Variants in HOMEZ observed in about 807,000 individuals in gnomAD.
The protein encoded by HOMEZ is homeobox and leucine zipper protein Homez.
HOMEZ carries 20 observed loss-of-function variants against 50.1 expected under a neutral mutation model. The observed-to-expected ratio is 0.40, with a 90% CI of 0.28 to 0.58. The LOEUF (loss-of-function observed/expected upper bound fraction) is 0.58, where lower values mean the gene tolerates loss of function less well. Among genes scored for constraint, HOMEZ ranks in the 20% least tolerant of loss-of-function variants. The pLI is 0.46. For missense variants in HOMEZ, 579 were observed against 680.5 expected (o/e 0.85, Z 1.66); for synonymous variants, 239 against 254.7 (o/e 0.94, Z 0.59).
chr14:23,276,514 G>A lies in HOMEZ; in HGVS notation c.714C>T (p.Asn238=), dbSNP rs11844797. 9.3e-3 allele frequency: 15,049 copies of A among 1,613,940 alleles called. 1,186 individuals are homozygous for A. The African/African-American group carries it at 0.17, about 18-fold the overall frequency. ...AAGCAGTACCTATGCCATGTGACTG[G>A]TTGGGACCCCTGCCTGCCTGCTCCT... ...LSKEQAGRGP[N]QSHGIGTASW... is the part of the protein sequence containing the mutation. Residue 238 remains asparagine (N), a synonymous_variant, in exon 2 of 2, where the codon AAC becomes AAT. Transcript: ENST00000357460. This position sits in a 1 kb window ranked among gnomAD's most constrained non-coding sequence, Gnocchi z 4.1.
At chr14:23,280,725 A>ATTTT (rs1268590273) in intron 1 of HOMEZ, among the ~76,000 whole-genome samples, 3 of 68,750 alleles carry the variant, frequency 4.4e-5, no homozygotes, top group African/African-American at 1.7e-4. Flanking sequence ...ATTTTATTTT[A>ATTTT]TTTTATTTTA....
Position 23,275,428 on chromosome 14 carries a change from T to G in HOMEZ, c.*147A>C. On this transcript the variant is annotated 3_prime_UTR_variant, in exon 2 of 2. Coordinates refer to ENST00000357460, the MANE Select transcript of HOMEZ (RefSeq NM_020834.3). ...GTCATTCTCCCTGGTCCACCCTCAC[T>G]ATATCCCCCTGCCACCCACCCTGAA... 9.9e-7 allele frequency: 1 copy of G among 1,011,018 alleles called. No individual in the cohort carries two copies. The highest frequency in any genetic ancestry group is 1.7e-5 in the South Asian group (1 of 57,312). 62.6% of individuals were successfully genotyped at this position (1,011,018 alleles called of 1,614,324 possible).
At chr14:23,280,712 T>TTA (rs1225777046) in intron 1 of HOMEZ, among the ~76,000 whole-genome samples, 36 of 58,230 alleles carry the variant, frequency 6.2e-4, no homozygotes, top group African/African-American at 2.4e-3. Context: ...TATTTTTATT[T>TTA]TTATTTTATT....
chr14:23,272,977 T>C lies in HOMEZ; in HGVS notation c.*2598A>G, dbSNP rs1886224998. On this transcript the variant is annotated 3_prime_UTR_variant, in exon 2 of 2. Coordinates refer to ENST00000357460, the MANE Select transcript of HOMEZ (RefSeq NM_020834.3). ...CATTAGGGGTGATGGCCCTGGAAAA[T>C]GTATCCCTGCATTGTTTCCTAGTTT... The C allele has an allele frequency of 4.1e-6, 3 of 726,696 alleles. No individual in the cohort carries two copies. The highest frequency in any genetic ancestry group is 1.9e-5 in the South Asian group (1 of 52,452). 45.0% of individuals were successfully genotyped at this position (726,696 alleles called of 1,614,324 possible).
chr14:23,284,049 TCTTAA>T (rs1411845043), intron 1 of HOMEZ, among the ~76,000 whole-genome samples: 4 of 152,202 alleles, frequency 2.6e-5, no homozygotes, highest in Non-Finnish European at 4.4e-5. Context: ...CTTATATGCT[TCTTAA>T]CTTTTTAGTT....
intron 1 of HOMEZ, 147 bp from the exon 2 acceptor site, chr14:23,277,334 C>A (rs966389862): frequency 7.6e-6 from 6 of 788,060 alleles, no homozygotes; most frequent in South Asian, 4.4e-5. Context: ...TCAACAATTT[C>A]TTATTTAATT....
chr14:23,281,809 A>AAT (rs1350641641), intron 1 of HOMEZ, among the ~76,000 whole-genome samples: 2 of 143,808 alleles, frequency 1.4e-5, no homozygotes, highest in African/African-American at 5.3e-5. Context: ...AAATAATAAT[A>AAT]ATAATAATAA....
intron 1 of HOMEZ, among the ~76,000 whole-genome samples, chr14:23,280,351 G>C (rs1432142323): frequency 1.3e-5 from 2 of 152,058 alleles, no homozygotes; most frequent in Admixed American, 6.6e-5. Context: ...AGCCCAGAAA[G>C]CTCCCTCAGT....
At chr14:23,280,755 T>TTTATGTTATGTTATGTTATG (rs1886525139) in intron 1 of HOMEZ, among the ~76,000 whole-genome samples, 2 of 85,154 alleles carry the variant, frequency 2.3e-5, no homozygotes, top group Non-Finnish European at 5.0e-5. Context: ...TTTATTTTAT[T>TTTATGTTATGTTATGTTATG]TTATTTTATT....
At position 23,276,132 on chromosome 14, in the gene HOMEZ, C is replaced by G. The variant is rs1273228157; in HGVS notation, c.1096G>C (p.Glu366Gln). ...AAGGATTTAAGGATAGCCAGCTGCT[C>G]TTTGGTTTTGCGCTTGGTCTTTCGC... ...RQRKTKRKTK[E>Q]QLAILKSFFL... The change falls in exon 2 of 2, where the codon GAG (glutamate) becomes CAG (glutamine). Residue 366 changes from glutamate to glutamine, a missense_variant. Coordinates refer to ENST00000357460, the MANE Select transcript of HOMEZ (RefSeq NM_020834.3). This position sits in a 1 kb window ranked among gnomAD's most constrained non-coding sequence, Gnocchi z 4.1. The G allele has an allele frequency of 1.2e-6, 2 of 1,613,986 alleles. No homozygotes were observed. The highest frequency in any genetic ancestry group is 3.3e-5 in the Admixed American group (2 of 60,014).
intron 1 of HOMEZ, chr14:23,285,624 A>C: frequency 3.0e-5 from 10 of 334,084 alleles, no homozygotes; most frequent in East Asian, 4.6e-5. Context: ...GGGTCAGGGA[A>C]CAAAAAGTTA....
Position 23,276,281 on chromosome 14 carries a change from ACT to A in HOMEZ, c.945_946del (p.Ser317ThrfsTer3). 1 of 1,613,922 alleles carries A rather than the reference ACT, an allele frequency of 6.2e-7. No homozygotes were observed. The highest frequency in any genetic ancestry group is 8.5e-7 in the Non-Finnish European group (1 of 1,179,864). ...GGGTAATGCCTGTTCACTGGGTGACACTGACTGTGGGACACAGCCTAGTGGCT... is the reference window on the plus strand; with the variant it reads ...GGGTAATGCCTGTTCACTGGGTGACAGACTGTGGGACACAGCCTAGTGGCT... On this transcript the variant is annotated frameshift_variant, in exon 2 of 2. Coordinates refer to ENST00000357460, the MANE Select transcript of HOMEZ (RefSeq NM_020834.3). LOFTEE classifies it high-confidence loss of function. The surrounding 1 kb of genome is among the most constrained non-coding windows in gnomAD (Gnocchi z 4.1).
At chr14:23,280,682 A>T (rs531349819) in intron 1 of HOMEZ, among the ~76,000 whole-genome samples, 24 of 132,186 alleles carry the variant, frequency 1.8e-4, no homozygotes, top group South Asian at 7.4e-4. Context: ...CACATCTGTT[A>T]TATTTTATTT....
At chr14:23,281,646 TAA>T (rs1886558757) in intron 1 of HOMEZ, among the ~76,000 whole-genome samples, 1 of 152,048 alleles carries the variant, frequency 6.6e-6, no homozygotes, top group African/African-American at 2.4e-5. Flanking sequence ...TTAACTTCTC[TAA>T]GTCTTAGTTT....
At chr14:23,280,442 G>A (rs548663777) in intron 1 of HOMEZ, among the ~76,000 whole-genome samples, 9 of 152,030 alleles carry the variant, frequency 5.9e-5, no homozygotes, top group Admixed American at 1.3e-4. Context: ...AGACCAGGTG[G>A]ACAGGCTCAT....
chr14:23,283,767 C>T (rs1250850129), intron 1 of HOMEZ, among the ~76,000 whole-genome samples: 2 of 152,102 alleles, frequency 1.3e-5, no homozygotes, highest in African/African-American at 2.4e-5. Context: ...TGGTGGCATG[C>T]GCCTGTAGTC....
chr14:23,272,530 A>C lies in HOMEZ; in HGVS notation c.*3045T>G, dbSNP rs1049419812. On this transcript the variant is annotated 3_prime_UTR_variant, in exon 2 of 2. Transcript: ENST00000357460. ...GGCCTAAGAACTCTGCCTCCCTGGT[A>C]GTCATCTCTGGGTGTGGTAGTCATA... The C allele has an allele frequency of 1.3e-5, 5 of 387,786 alleles. No homozygotes were observed. The highest frequency in any genetic ancestry group is 2.4e-5 in the Non-Finnish European group (5 of 211,840). 24.0% of individuals were successfully genotyped at this position (387,786 alleles called of 1,614,324 possible). A position where few individuals can be genotyped will look rare whatever the true frequency, so the allele number is the denominator to read the frequency against.
In HOMEZ at chr14:23,276,896, C is replaced by T; in HGVS notation, c.332G>A (p.Gly111Asp). 6.2e-7 allele frequency: 1 copy of T among 1,614,072 alleles called. No individual in the cohort carries two copies. Among genetic ancestry groups the T allele is most frequent in the Non-Finnish European group, 8.5e-7 (1 of 1,179,904 alleles). Residue 111 changes from glycine (G) to aspartate (D), a missense_variant, in exon 2 of 2, where the codon GGT becomes GAT. Coordinates refer to ENST00000357460, the MANE Select transcript of HOMEZ (RefSeq NM_020834.3). The surrounding 1 kb of genome is among the most constrained non-coding windows in gnomAD (Gnocchi z 4.1). ...TWFMAQRLRC[G>D]ISWSSEEIEE... is the part of the protein sequence containing the mutation. ...TATTTCTTCAGATGACCAGCTAATA[C>T]CACAGCGGAGGCGCTGGGCCATAAA... is the stretch of plus-strand genomic sequence containing the variant.
intron 1 of HOMEZ, 53 bp from the exon 2 acceptor site, chr14:23,277,240 T>C: frequency 6.9e-7 from 1 of 1,440,168 alleles, no homozygotes; most frequent in Non-Finnish European, 9.2e-7. Flanking sequence ...TCTGACACAC[T>C]GCTCAATTTC....
Sources: gnomAD v4.1 joint callset for allele counts (sites outside exome capture counted in the v4.1 genomes callset) on GRCh38, gnomAD v4.1.1 for gene constraint, Gnocchi (gnomAD v3.1) non-coding constraint, MANE v1.5 for transcripts, NCBI Gene and HGNC (gene_info 2026-07-23, HGNC 2026-07-21) for gene names.